GPM6A: variants seen among roughly 807,000 people sequenced by gnomAD.
GPM6A encodes the protein glycoprotein M6A, also known as neuronal membrane glycoprotein M6-a.
Under a neutral mutation model 32.1 loss-of-function variants are expected in GPM6A, and 7 were observed. The observed-to-expected ratio is 0.22, with a 90% CI of 0.12 to 0.41. The LOEUF (loss-of-function observed/expected upper bound fraction) is 0.41. Among genes scored for constraint, GPM6A ranks in the 10% least tolerant of loss-of-function variants. The pLI, the probability that GPM6A is intolerant of heterozygous loss-of-function variation, is 1.00. For missense variants in GPM6A, 235 were observed against 347.2 expected (o/e 0.68, Z 2.57); for synonymous variants, 130 against 123.4 (o/e 1.05, Z -0.35).
intron 1 of GPM6A, among the ~76,000 whole-genome samples, chr4:175,907,641 C>A (rs1177590204): frequency 6.6e-6 from 1 of 152,050 alleles, no homozygotes; most frequent in Non-Finnish European, 1.5e-5. Flanking sequence ...GGTCATAAAA[C>A]CCTCCGGTGA....
intron 1 of GPM6A, among the ~76,000 whole-genome samples, chr4:175,918,041 A>T (rs896445801): frequency 6.6e-6 from 1 of 152,126 alleles, no homozygotes; most frequent in South Asian, 2.1e-4. Flanking sequence ...GTAAATTACC[A>T]TAATTCTTTT....
chr4:175,825,425 T>C (rs1170818652), intron 1 of GPM6A, among the ~76,000 whole-genome samples: 2 of 152,212 alleles, frequency 1.3e-5, no homozygotes, highest in African/African-American at 4.8e-5. Flanking sequence ...ATCTAATTTA[T>C]AGGGCAAGTC....
intron 1 of GPM6A, among the ~76,000 whole-genome samples, chr4:175,946,736 GGT>G (rs1424248137): frequency 6.6e-6 from 1 of 152,166 alleles, no homozygotes; most frequent in African/African-American, 2.4e-5. Flanking sequence ...AGGCTACAGA[GGT>G]GGGCAGAGGA....
chr4:175,749,267 C>A (rs1314089948), intron 1 of GPM6A, among the ~76,000 whole-genome samples: 34 of 152,076 alleles, frequency 2.2e-4, no homozygotes, highest in Admixed American at 2.2e-3. Flanking sequence ...TTGATAATCA[C>A]TGATCGCAGA....
intron 1 of GPM6A, among the ~76,000 whole-genome samples, chr4:175,893,200 G>A (rs1737698773): frequency 6.6e-6 from 1 of 152,172 alleles, no homozygotes; most frequent in African/African-American, 2.4e-5. Flanking sequence ...CTTGTGGGCT[G>A]CTATCCAGCT....
intron 1 of GPM6A, among the ~76,000 whole-genome samples, chr4:175,892,599 A>G (rs1737681593): frequency 6.6e-6 from 1 of 152,170 alleles, no homozygotes; most frequent in Admixed American, 6.5e-5. Flanking sequence ...TAAATTTTCC[A>G]CTACGGCTCT....
At chr4:175,871,660 C>T (rs947173122) in intron 1 of GPM6A, among the ~76,000 whole-genome samples, 1 of 152,092 alleles carries the variant, frequency 6.6e-6, no homozygotes, top group East Asian at 1.9e-4. Context: ...ACATTTTTGG[C>T]TTATTCTGAC....
At chr4:175,982,457 T>C (rs147055874) in intron 1 of GPM6A, among the ~76,000 whole-genome samples, 1 of 152,174 alleles carries the variant, frequency 6.6e-6, no homozygotes, top group African/African-American at 2.4e-5. Flanking sequence ...GGTTCATTTC[T>C]TTATACATGG....
chr4:175,762,899 G>A (rs996697039), intron 1 of GPM6A, among the ~76,000 whole-genome samples: 6 of 152,096 alleles, frequency 3.9e-5, no homozygotes, highest in East Asian at 1.9e-4. Flanking sequence ...GTGGTTGCGC[G>A]GGACTGGGAG....
chr4:175,658,972 T>A (rs1007139294), intron 3 of GPM6A, among the ~76,000 whole-genome samples: 6 of 150,552 alleles, frequency 4.0e-5, no homozygotes, highest in Non-Finnish European at 9.0e-5. Flanking sequence ...GAGATAAAGC[T>A]ACAGAGAATC....
At chr4:175,786,980 A>G (rs1179079199) in intron 1 of GPM6A, 1 of 212,110 alleles carries the variant, frequency 4.7e-6, no homozygotes, top group Non-Finnish European at 9.3e-6. Context: ...CTTTCCAGCC[A>G]CTTGCTGGAC....
At chr4:175,922,975 T>C (rs865914828) in intron 1 of GPM6A, among the ~76,000 whole-genome samples, 1 of 152,074 alleles carries the variant, frequency 6.6e-6, no homozygotes, top group Non-Finnish European at 1.5e-5. Context: ...AATCAGTACA[T>C]CTTGTAGCTC....
chr4:175,756,010 T>C (rs1189640964), intron 1 of GPM6A, among the ~76,000 whole-genome samples: 1 of 152,010 alleles, frequency 6.6e-6, no homozygotes, highest in Non-Finnish European at 1.5e-5. Flanking sequence ...TGCTGTTCAG[T>C]AGGTAAGAAA....
intron 1 of GPM6A, among the ~76,000 whole-genome samples, chr4:175,846,489 T>C (rs1399017352): frequency 1.3e-5 from 2 of 152,116 alleles, no homozygotes; most frequent in East Asian, 3.9e-4. Flanking sequence ...ATATTCCCTT[T>C]GCCCAGGTTG....
chr4:175,944,067 T>C (rs1275398973), intron 1 of GPM6A, among the ~76,000 whole-genome samples: 1 of 152,232 alleles, frequency 6.6e-6, no homozygotes, highest in Admixed American at 6.5e-5. Context: ...AACTTGTTAT[T>C]GGTCTATTCA....
chr4:175,953,339 T>C (rs1739880049), intron 1 of GPM6A, among the ~76,000 whole-genome samples: 1 of 152,096 alleles, frequency 6.6e-6, no homozygotes, highest in African/African-American at 2.4e-5. Context: ...GTAATTTGTG[T>C]AATAGATGTG....
rs184579493 is a variant in GPM6A, at chr4:175,911,910, T to G, written c.-23+90399A>C. Among the ~76,000 whole-genome samples, 31 of 151,256 alleles carry G rather than the reference T, an allele frequency of 2.0e-4. No individual in the cohort carries two copies. The East Asian group carries it at 3.3e-3, about 16-fold the overall frequency. Reference sequence around the variant, plus strand: ...AAATCAAGAAGGGCAGGAAACGGAGTGACAAAGATGATGAATTCTATTCAG... The same window carrying G: ...AAATCAAGAAGGGCAGGAAACGGAGGGACAAAGATGATGAATTCTATTCAG... On this transcript the variant is annotated intron_variant, in intron 1 of 7. Coordinates refer to the GPM6A transcript ENST00000280187.
intron 1 of GPM6A, chr4:175,960,768 T>C (rs1740138711): frequency 6.6e-6 from 1 of 152,154 alleles, no homozygotes; most frequent in African/African-American, 2.4e-5. Flanking sequence ...ATCTGTAAAA[T>C]ATGAAAACAA....
chr4:175,721,421 A>T (rs1579425807), intron 1 of GPM6A, among the ~76,000 whole-genome samples: 1 of 151,942 alleles, frequency 6.6e-6, no homozygotes, highest in East Asian at 1.9e-4. Flanking sequence ...GGTTGCAGTG[A>T]GTCGAGATCA....
Sources: allele counts gnomAD v4.1 joint callset (sites outside exome capture counted in the v4.1 genomes callset), GRCh38; gene constraint gnomAD v4.1.1; transcripts MANE v1.5; gene names NCBI Gene and HGNC (gene_info 2026-07-23, HGNC 2026-07-21).